Variants in DYM observed in about 807,000 individuals in gnomAD.
The protein encoded by DYM is dymeclin.
A neutral mutation model predicts 93.1 loss-of-function variants in DYM; 78 were observed. The observed-to-expected ratio is 0.84, with a 90% CI of 0.70 to 1.01. DYM has a LOEUF of 1.01. Among genes scored for constraint, DYM ranks in the 50% least tolerant of loss-of-function variants. The pLI, the probability that DYM is intolerant of heterozygous loss-of-function variation, is 0.00. For synonymous variants in DYM, 321 were observed against 319.7 expected (o/e 1.00, Z -0.04); for missense variants, 789 against 845.0 (o/e 0.93, Z 0.82).
At chr18:49,395,501 T>C (rs1271307468) in intron 2 of DYM, among the ~76,000 whole-genome samples, 1 of 151,982 alleles carries the variant, frequency 6.6e-6, no homozygotes, top group Non-Finnish European at 1.5e-5. Context: ...TGGTGGCTCA[T>C]GCCTGTAATT....
At chr18:49,274,867 T>C (rs1390103895) in intron 10 of DYM, among the ~76,000 whole-genome samples, 9 of 152,176 alleles carry the variant, frequency 5.9e-5, no homozygotes, top group Admixed American at 5.2e-4. Context: ...GTTCTTTACA[T>C]ACTATAGATA....
intron 8 of DYM, among the ~76,000 whole-genome samples, chr18:49,310,163 T>C (rs529829182): frequency 1.3e-5 from 2 of 152,344 alleles, no homozygotes; most frequent in East Asian, 1.9e-4. Context: ...GAAAATCTAA[T>C]GTATCAAATT....
intron 16 of DYM, among the ~76,000 whole-genome samples, chr18:49,102,362 T>C (rs1333048888): frequency 6.6e-6 from 1 of 152,218 alleles, no homozygotes; most frequent in Non-Finnish European, 1.5e-5. Context: ...AACTTCTTTT[T>C]GACACATGGG....
intron 14 of DYM, among the ~76,000 whole-genome samples, chr18:49,185,315 A>G (rs1413925064): frequency 6.6e-6 from 1 of 152,228 alleles, no homozygotes; most frequent in African/African-American, 2.4e-5. Flanking sequence ...TTGGATTTGA[A>G]AAACACAATG....
intron 15 of DYM, among the ~76,000 whole-genome samples, chr18:49,130,418 T>C (rs2083277108): frequency 6.6e-6 from 1 of 152,214 alleles, no homozygotes; most frequent in Admixed American, 6.5e-5. Context: ...CGGATTCGAA[T>C]GTCCTAGCAC....
At chr18:49,141,577 C>T (rs908728413) in intron 15 of DYM, among the ~76,000 whole-genome samples, 1 of 152,178 alleles carries the variant, frequency 6.6e-6, no homozygotes, top group Non-Finnish European at 1.5e-5. Flanking sequence ...AACACTCTAT[C>T]CTCATTTTTT....
intron 3 of DYM, among the ~76,000 whole-genome samples, chr18:49,389,508 G>T (rs950387402): frequency 6.6e-6 from 1 of 150,728 alleles, no homozygotes; most frequent in Non-Finnish European, 1.5e-5. Flanking sequence ...GCTTTTTTTC[G>T]CCCCTAGATT....
chr18:49,349,166 C>A (rs1212803740), intron 6 of DYM, among the ~76,000 whole-genome samples: 1 of 152,136 alleles, frequency 6.6e-6, no homozygotes, highest in African/African-American at 2.4e-5. Context: ...CAAGATCGTG[C>A]CAGTGCACTC....
At chr18:49,402,015 A>G (rs924291572) in intron 2 of DYM, among the ~76,000 whole-genome samples, 1 of 150,632 alleles carries the variant, frequency 6.6e-6, no homozygotes, top group African/African-American at 2.5e-5. Flanking sequence ...AACAAGAGCG[A>G]AACTCTGTCT....
intron 13 of DYM, among the ~76,000 whole-genome samples, chr18:49,220,662 C>T (rs908150650): frequency 3.3e-5 from 5 of 152,100 alleles, no homozygotes; most frequent in Non-Finnish European, 7.4e-5. Context: ...GGAAAGGATT[C>T]CCTATTTAAT....
Position 49,272,180 on chromosome 18 carries a change from C to T in DYM, c.1249G>A (p.Val417Met), listed in dbSNP as rs751921535. 5 of 1,611,956 alleles carry T rather than the reference C, an allele frequency of 3.1e-6. No individual in the cohort carries two copies. Among genetic ancestry groups the T allele is most frequent in the Admixed American group, 1.7e-5 (1 of 59,950 alleles). ...DDGFNRSIHE[V>M]ILKNITWYSE... is the part of the protein sequence containing the mutation. ...TAATCCAAGTAATGGTAACTTACCA[C>T]TTCATGAATGGATCTGTTGAAGCCA... Residue 417 changes from valine (V) to methionine (M), a missense_variant and splice_region_variant, in exon 11 of 18, where the codon GTG becomes ATG. Around this residue, in one of 3 missense-constraint regions of DYM, gnomAD observed 225 missense variants for 303.0 expected, o/e 0.74. Transcript: ENST00000675505.
In DYM at chr18:49,289,727, GTATATATATATATATATA is replaced by G. The variant is rs386387632; in HGVS notation, c.764-3129_764-3112del. 7.9e-3 allele frequency among the ~76,000 whole-genome samples: 670 copies of G among 85,072 alleles called. 14 individuals are homozygous for G. Among genetic ancestry groups the G allele is most frequent in the African/African-American group, 0.023 (464 of 19,746 alleles). The allele number at this position is 85,072 out of a possible 152,430, so 55.8% of individuals were successfully genotyped here. The stretch of plus-strand genomic sequence containing the variant: ...CCCTATCTCAAATATATATATATGT[GTATATATATATATATATA>G]TATATATATATATATATATATATAT... On this transcript the variant is annotated intron_variant, in intron 8 of 17. Transcript: ENST00000675505.
At chr18:49,228,717 C>G (rs1282482901) in intron 13 of DYM, among the ~76,000 whole-genome samples, 2 of 152,102 alleles carry the variant, frequency 1.3e-5, no homozygotes, top group African/African-American at 4.8e-5. Context: ...GGCTACCTAT[C>G]CTTTTTCAGG....
At chr18:49,325,646 C>T (rs748128499) in intron 8 of DYM, among the ~76,000 whole-genome samples, 13 of 152,192 alleles carry the variant, frequency 8.5e-5, no homozygotes, top group Middle Eastern at 3.4e-3. Flanking sequence ...AACTACAGAT[C>T]TGGAAAAGGC....
chr18:49,099,068 C>T (rs564779284), intron 16 of DYM, among the ~76,000 whole-genome samples: 5 of 152,226 alleles, frequency 3.3e-5, no homozygotes, highest in African/African-American at 7.2e-5. Context: ...GTCAATCTAA[C>T]ACCTATGCAT....
At chr18:49,088,449 A>G (rs1361801474) in intron 17 of DYM, among the ~76,000 whole-genome samples, 1 of 151,740 alleles carries the variant, frequency 6.6e-6, no homozygotes, top group Non-Finnish European at 1.5e-5. Flanking sequence ...ATTAGGAGAT[A>G]TGCCTAATGT....
Position 49,206,003 on chromosome 18 carries a change from G to GTTTTTTTTTTTTTTTTT in DYM, c.1625+3547_1625+3548insAAAAAAAAAAAAAAAAA, listed in dbSNP as rs72500406. 116 of 142,750 alleles carry GTTTTTTTTTTTTTTTTT rather than the reference G, an allele frequency of 8.1e-4. 3 individuals are homozygous for GTTTTTTTTTTTTTTTTT. Among genetic ancestry groups the GTTTTTTTTTTTTTTTTT allele is most frequent in the Non-Finnish European group, 1.1e-3 (79 of 70,440 alleles). The allele number at this position is 142,750 out of a possible 1,614,324, so 8.8% of individuals were successfully genotyped here. ...TTGACTAAGGTAGAGTTTTTTTTTT[G>GTTTTTTTTTTTTTTTTT]TTTTTTTGTTTTTTGCGGAGTCTTG... On this transcript the variant is annotated intron_variant, in intron 14 of 17. Coordinates refer to ENST00000675505, the MANE Select transcript of DYM (RefSeq NM_001353214.3).
intron 15 of DYM, among the ~76,000 whole-genome samples, chr18:49,128,577 C>T (rs901682853): frequency 6.6e-6 from 1 of 152,122 alleles, no homozygotes; most frequent in African/African-American, 2.4e-5. Flanking sequence ...TGCTACATCA[C>T]CTGAGTTACA....
At chr18:49,089,870 T>C (rs2078885361) in intron 17 of DYM, among the ~76,000 whole-genome samples, 1 of 152,206 alleles carries the variant, frequency 6.6e-6, no homozygotes, top group Non-Finnish European at 1.5e-5. Flanking sequence ...ATTATGCCTT[T>C]CTACAGTCCT....
Sources: allele counts gnomAD v4.1 joint callset (sites outside exome capture counted in the v4.1 genomes callset), GRCh38; gene constraint gnomAD v4.1.1; regional missense constraint gnomAD v4.1.1; transcripts MANE v1.5; gene names NCBI Gene and HGNC (gene_info 2026-07-23, HGNC 2026-07-21).